PREX1: variants seen among roughly 807,000 people sequenced by gnomAD.
PREX1 encodes the protein phosphatidylinositol-3,4,5-trisphosphate dependent Rac exchange factor 1.
In PREX1, 41 loss-of-function variants were observed where a neutral mutation model predicts 198.3. The observed-to-expected ratio is 0.21, with a 90% CI of 0.16 to 0.27. The LOEUF (loss-of-function observed/expected upper bound fraction) is 0.27, where lower values mean the gene tolerates loss of function less well. PREX1 is among the 10% of genes least tolerant of loss of function. The probability of loss-of-function intolerance (pLI) is 1.00; values close to 1 mark genes in which losing one functional copy is unlikely to be tolerated. For synonymous variants in PREX1, 843 were observed against 887.2 expected (o/e 0.95, Z 0.89); for missense variants, 1,620 against 2,200.7 (o/e 0.74, Z 5.28).
At chr20:48,652,755 A>G in intron 20 of PREX1, 49 bp from the exon 21 acceptor site, 2 of 1,580,492 alleles carry the variant, frequency 1.3e-6, no homozygotes, top group Non-Finnish European at 1.7e-6. Context: ...GCAGGTAGGG[A>G]GGAGGGGACA....
At chr20:48,818,700 G>A (rs2090469812) in intron 1 of PREX1, among the ~76,000 whole-genome samples, 2 of 152,252 alleles carry the variant, frequency 1.3e-5, no homozygotes, top group Non-Finnish European at 2.9e-5. Context: ...GTGCTGTTAT[G>A]ATGCCTATGC....
chr20:48,718,496 G>C (rs1382934667), intron 5 of PREX1, among the ~76,000 whole-genome samples: 3 of 151,994 alleles, frequency 2.0e-5, no homozygotes, highest in African/African-American at 7.2e-5. Flanking sequence ...CAAAAAAAGA[G>C]GATAAACAGA....
intron 2 of PREX1, among the ~76,000 whole-genome samples, chr20:48,745,572 T>C (rs536643894): frequency 6.6e-6 from 1 of 152,340 alleles, no homozygotes; most frequent in South Asian, 2.1e-4. Flanking sequence ...AGGACGATGT[T>C]GAAATTACAA....
intron 1 of PREX1, among the ~76,000 whole-genome samples, chr20:48,748,757 G>A (rs1261813019): frequency 6.6e-6 from 1 of 152,226 alleles, no homozygotes; most frequent in Non-Finnish European, 1.5e-5. Flanking sequence ...AGCCGAGGGT[G>A]CACCATTCAT....
chr20:48,768,187 G>A (rs929514201), intron 1 of PREX1, among the ~76,000 whole-genome samples: 1 of 152,142 alleles, frequency 6.6e-6, no homozygotes, highest in Non-Finnish European at 1.5e-5. Context: ...GTGTTCTTTT[G>A]AGGATTCAAG....
At chr20:48,673,498 G>T (rs1331641722) in intron 14 of PREX1, among the ~76,000 whole-genome samples, 2 of 152,122 alleles carry the variant, frequency 1.3e-5, no homozygotes, top group Non-Finnish European at 2.9e-5. Context: ...TCTGAGCACT[G>T]AAGGAGCTTG....
chr20:48,650,607 T>TTGCTGAGGC (rs1601044501), intron 23 of PREX1, among the ~76,000 whole-genome samples: 1 of 152,260 alleles, frequency 6.6e-6, no homozygotes, highest in East Asian at 1.9e-4. Context: ...TCTCCTGGGC[T>TTGCTGAGGC]TGCTGAGGCT....
chr20:48,749,331 A>C (rs2090123752), intron 1 of PREX1, among the ~76,000 whole-genome samples: 1 of 152,170 alleles, frequency 6.6e-6, no homozygotes, highest in South Asian at 2.1e-4. Context: ...GATGGATGAC[A>C]GATTGGGGGT....
rs1420404565 is a variant in PREX1, at chr20:48,691,540, T to A, written c.1037-444A>T. 6.6e-6 allele frequency among the ~76,000 whole-genome samples: 1 copy of A among 152,134 alleles called. No individual in the cohort carries two copies. Among genetic ancestry groups the A allele is most frequent in the Non-Finnish European group, 1.5e-5 (1 of 68,014 alleles). Reference sequence around the variant, plus strand: ...GGAAAACCTCTCAAACAGATTGGCATGATCTAGGGAAGCGAAAGCCTGAAT... The same window carrying A: ...GGAAAACCTCTCAAACAGATTGGCAAGATCTAGGGAAGCGAAAGCCTGAAT... On this transcript the variant is annotated intron_variant, in intron 8 of 39. Coordinates refer to ENST00000371941, the MANE Select transcript of PREX1 (RefSeq NM_020820.4). The surrounding 1 kb of genome is among the most constrained non-coding windows in gnomAD (Gnocchi z 5.0).
intron 24 of PREX1, 78 bp downstream of exon 24, chr20:48,649,918 T>C: frequency 6.6e-7 from 1 of 1,524,312 alleles, no homozygotes; most frequent in Non-Finnish European, 9.0e-7. Flanking sequence ...CCTGGACGGC[T>C]GACCTTCAGA....
intron 15 of PREX1, among the ~76,000 whole-genome samples, chr20:48,665,963 G>A (rs2089637359): frequency 6.6e-6 from 1 of 152,168 alleles, no homozygotes; most frequent in African/African-American, 2.4e-5. Context: ...GAGGCCTTCG[G>A]GCCAGGCCTG....
At chr20:48,785,744 T>G (rs1459471165) in intron 1 of PREX1, among the ~76,000 whole-genome samples, 1 of 152,116 alleles carries the variant, frequency 6.6e-6, no homozygotes, top group African/African-American at 2.4e-5. Flanking sequence ...TTTCCCTCAG[T>G]AAGCCTGTGC....
chr20:48,709,911 GA>G (rs148907589), intron 5 of PREX1, among the ~76,000 whole-genome samples: 3,635 of 152,254 alleles, frequency 0.024, 146 homozygotes, highest in African/African-American at 0.084. Context: ...TTCCCTGTCC[GA>G]AAACAAACAT....
chr20:48,629,556 C>T lies in PREX1; in HGVS notation c.4659G>A (p.Lys1553=). 2 of 1,614,174 alleles carry T rather than the reference C, an allele frequency of 1.2e-6. No homozygotes were observed. The highest frequency in any genetic ancestry group is 1.7e-5 in the Admixed American group (1 of 60,022). Residue 1553 remains lysine, a synonymous_variant, in exon 37 of 40, where the codon AAG becomes AAA. Coordinates refer to ENST00000371941, the MANE Select transcript of PREX1 (RefSeq NM_020820.4). Reference sequence around the variant, plus strand: ...CGCCCACACTCCCAGCAGCACCAGGCTTTGGGTGGACAAAGGACTTCATGA... The same window carrying T: ...CGCCCACACTCCCAGCAGCACCAGGTTTTGGGTGGACAAAGGACTTCATGA... ...CRLMKSFVHP[K]PGAAGSVGAG... is the part of the protein sequence containing the mutation.
intron 5 of PREX1, among the ~76,000 whole-genome samples, chr20:48,724,857 G>A (rs1263941323): frequency 1.3e-5 from 2 of 152,250 alleles, no homozygotes; most frequent in Non-Finnish European, 2.9e-5. Flanking sequence ...AGTTTCACCT[G>A]AAGCTTCTTC....
intron 10 of PREX1, among the ~76,000 whole-genome samples, chr20:48,687,139 C>T (rs1446151648): frequency 6.6e-6 from 1 of 152,238 alleles, no homozygotes; most frequent in Admixed American, 6.5e-5. Context: ...ACAGTTCAGG[C>T]CGTCTCATGG....
In PREX1 at chr20:48,657,099, G is replaced by A. The variant is rs2089551139; in HGVS notation, c.2064C>T (p.Leu688=). ...GGCGGCGGGAGCAGAAGGACTGGTTGAGGATGGACTCCACCTCTGAAAACG... is the reference window on the plus strand; with the variant it reads ...GGCGGCGGGAGCAGAAGGACTGGTTAAGGATGGACTCCACCTCTGAAAACG... ...LRPFSEVESI[L]NQSFCSRRPL... is the part of the protein sequence containing the mutation. The change falls in exon 18 of 40, where the codon CTC becomes CTT. Residue 688 remains leucine, a synonymous_variant. Transcript: ENST00000371941. 3 of 1,610,848 alleles carry A rather than the reference G, an allele frequency of 1.9e-6. No individual in the cohort carries two copies. The highest frequency in any genetic ancestry group is 1.3e-5 in the African/African-American group (1 of 74,896).
chr20:48,633,878 G>A (rs895024451), intron 33 of PREX1, among the ~76,000 whole-genome samples: 1 of 152,224 alleles, frequency 6.6e-6, no homozygotes, highest in Non-Finnish European at 1.5e-5. Flanking sequence ...GCTCCAGGAG[G>A]GTAGGAATGA....
intron 3 of PREX1, among the ~76,000 whole-genome samples, chr20:48,743,505 C>T (rs1399021812): frequency 2.0e-5 from 3 of 152,184 alleles, no homozygotes; most frequent in Middle Eastern, 3.2e-3. Flanking sequence ...CACTTCCCTC[C>T]TCTGCTCAAT....
Sources: gnomAD v4.1 joint callset for allele counts (sites outside exome capture counted in the v4.1 genomes callset) on GRCh38, gnomAD v4.1.1 for gene constraint, Gnocchi (gnomAD v3.1) non-coding constraint, MANE v1.5 for transcripts, NCBI Gene and HGNC (gene_info 2026-07-23, HGNC 2026-07-21) for gene names.